The following NMRAL1 variants were observed in gnomAD, a reference collection of about 807,000 sequenced individuals.
NMRAL1 encodes nmrA-like family domain-containing protein 1.
In NMRAL1, 32 loss-of-function variants were observed where a neutral mutation model predicts 27.5. The ratio of observed to expected loss-of-function variants is 1.16; its 90% CI spans 0.88 to 1.56. NMRAL1 has a LOEUF of 1.56. NMRAL1 is among the 40% of genes most tolerant of loss of function. NMRAL1 has a pLI of 0.00. For synonymous variants in NMRAL1, 166 were observed against 166.8 expected (o/e 1.00, Z 0.04); for missense variants, 420 against 392.0 (o/e 1.07, Z -0.60).
chr16:4,463,928 C>T lies in NMRAL1; in HGVS notation c.530-78G>A. 3 of 1,236,102 alleles carry T rather than the reference C, an allele frequency of 2.4e-6. No homozygotes were observed. In the Middle Eastern group the frequency reaches 5.8e-4, roughly 239 times the overall value. The allele number at this position is 1,236,102 out of a possible 1,614,324, so 76.6% of individuals were successfully genotyped here. A position where few individuals can be genotyped will look rare whatever the true frequency, so the allele number is the denominator to read the frequency against. ...GGACAGAGCCCCTCTCCAAAGGGTC[C>T]AAGCTGGTTCTTCCCAGCAGTCAGC... On this transcript the variant is annotated intron_variant, in intron 4 of 5. Transcript: ENST00000283429.
chr16:4,464,231 G>A (rs2057227896), intron 4 of NMRAL1: 1 of 261,152 alleles, frequency 3.8e-6, no homozygotes, highest in South Asian at 8.1e-5. Context: ...CAGGGTCTCC[G>A]CTAATCTGGA....
chr16:4,464,084 T>C (rs1347467910), intron 4 of NMRAL1: 3 of 535,976 alleles, frequency 5.6e-6, no homozygotes, highest in African/African-American at 3.9e-5. Context: ...CTGTTGAGGC[T>C]CTCTGAGCCT....
At chr16:4,466,802 G>A (rs1236200647) in intron 3 of NMRAL1, 7 of 220,676 alleles carry the variant, frequency 3.2e-5, no homozygotes, top group Non-Finnish European at 6.4e-5. Context: ...CAGCTGCCTA[G>A]GTTCAAATCA....
Position 4,469,222 on chromosome 16 carries a change from C to CT in NMRAL1, c.279+4dup. The CT allele has an allele frequency of 6.2e-7, 1 of 1,608,650 alleles. No individual in the cohort carries two copies. Among genetic ancestry groups the CT allele is most frequent in the Non-Finnish European group, 8.5e-7 (1 of 1,175,504 alleles). ...GGCCTCCCTGCAGCTCCTGCCTGCCCTCACCTGCTTGACCTCCTGCTCCTG... is the reference window on the plus strand; with the variant it reads ...GGCCTCCCTGCAGCTCCTGCCTGCCCTTCACCTGCTTGACCTCCTGCTCCTG... On this transcript the variant is annotated splice_donor_region_variant and intron_variant, in intron 3 of 5. Transcript: ENST00000283429.
chr16:4,466,556 T>G, intron 3 of NMRAL1, 154 bp from the exon 4 acceptor site: 1 of 675,626 alleles, frequency 1.5e-6, no homozygotes, highest in Non-Finnish European at 2.5e-6. Flanking sequence ...CCTGGAATGA[T>G]GTTCACACAT....
intron 3 of NMRAL1, chr16:4,466,678 A>G: frequency 2.1e-6 from 1 of 470,750 alleles, no homozygotes; most frequent in South Asian, 2.2e-5. Flanking sequence ...GACGGCCTGC[A>G]TGGAGGTCTA....
rs747436162 is a variant in NMRAL1, at chr16:4,461,969, G to T, written c.721-10C>A. 10 of 1,607,280 alleles carry T rather than the reference G, an allele frequency of 6.2e-6. No homozygotes were observed. The highest frequency in any genetic ancestry group is 8.5e-6 in the Non-Finnish European group (10 of 1,176,228). ...AGTCCTCAGGAGTCATCTGGAAGCA[G>T]AGGAGCCTGTCGTGGCCGGCGTCCT... On this transcript the variant is annotated splice_polypyrimidine_tract_variant and intron_variant, in intron 5 of 5. Coordinates refer to ENST00000283429, the MANE Select transcript of NMRAL1 (RefSeq NM_020677.6).
At chr16:4,464,117 G>C (rs189435586) in intron 4 of NMRAL1, 1 of 520,628 alleles carries the variant, frequency 1.9e-6, no homozygotes, top group East Asian at 3.4e-5. Context: ...TCCTAGAATG[G>C]GGCTAAGAAC....
intron 3 of NMRAL1, among the ~76,000 whole-genome samples, chr16:4,467,769 AC>A: frequency 6.7e-6 from 1 of 148,734 alleles, no homozygotes; most frequent in East Asian, 2.1e-4. Flanking sequence ...ACAGGCGCCC[AC>A]CACCATGCCC....
chr16:4,462,522 C>G (rs1243001898), intron 5 of NMRAL1, among the ~76,000 whole-genome samples: 1 of 151,988 alleles, frequency 6.6e-6, no homozygotes, highest in Non-Finnish European at 1.5e-5. Context: ...GATCATGAGA[C>G]GAAAATATCT....
At chr16:4,471,328 G>A (rs995241569) in intron 2 of NMRAL1, 2 of 151,976 alleles carry the variant, frequency 1.3e-5, no homozygotes, top group South Asian at 2.1e-4. Flanking sequence ...AAGATTTTGC[G>A]CGTTGCAGCT....
intron 2 of NMRAL1, among the ~76,000 whole-genome samples, chr16:4,470,942 G>A (rs942791195): frequency 1.3e-4 from 14 of 106,902 alleles, no homozygotes; most frequent in South Asian, 9.3e-4. Context: ...GCAAGACTCC[G>A]TCTCAAAAAA....
chr16:4,473,212 G>A (rs1383566395), intron 2 of NMRAL1, among the ~76,000 whole-genome samples: 1 of 152,024 alleles, frequency 6.6e-6, no homozygotes, highest in Non-Finnish European at 1.5e-5. Flanking sequence ...CAAGCGATCT[G>A]CCCATTTGGT....
intron 4 of NMRAL1, among the ~76,000 whole-genome samples, chr16:4,464,612 T>G (rs1048452671): frequency 2.6e-5 from 3 of 115,550 alleles, no homozygotes; most frequent in South Asian, 5.1e-4. Context: ...TGACTGCAGG[T>G]TTTTTTTTTT....
intron 5 of NMRAL1, 108 bp downstream of exon 5, chr16:4,463,552 A>C: frequency 1.2e-6 from 1 of 843,464 alleles, no homozygotes; most frequent in Non-Finnish European, 1.8e-6. Context: ...TGAACGAATG[A>C]ATTTAGATGT....
intron 2 of NMRAL1, 118 bp downstream of exon 2, chr16:4,473,975 C>T (rs913046538): frequency 1.4e-6 from 1 of 730,438 alleles, no homozygotes; most frequent in African/African-American, 1.8e-5. Flanking sequence ...GCGACCACAG[C>T]CCCAACCTGG....
rs1473690562 is a variant in NMRAL1, at chr16:4,469,272, C to T, written c.234G>A (p.Val78=). 3.1e-6 allele frequency: 5 copies of T among 1,614,044 alleles called. No homozygotes were observed. Among genetic ancestry groups the T allele is most frequent in the African/African-American group, 2.7e-5 (2 of 74,918 alleles). ...ALNGAYATFI[V]TNYWESCSQE... is the part of the protein sequence containing the mutation. ...GGCTGCAGCTCTCCCAGTAATTGGT[C>T]ACGATGAAGGTGGCGTAAGCCCCAT... The change falls in exon 3 of 6, where the codon GTG becomes GTA. Residue 78 remains valine, a synonymous_variant. Transcript: ENST00000283429.
At chr16:4,465,911 G>T (rs960668928) in intron 4 of NMRAL1, among the ~76,000 whole-genome samples, 1 of 152,144 alleles carries the variant, frequency 6.6e-6, no homozygotes, top group African/African-American at 2.4e-5. Flanking sequence ...TGGACCAAGC[G>T]AATATCGTGT....
chr16:4,465,254 G>C (rs796472659), intron 4 of NMRAL1, among the ~76,000 whole-genome samples: 1 of 152,196 alleles, frequency 6.6e-6, no homozygotes, highest in Non-Finnish European at 1.5e-5. Context: ...AAGGGCTACT[G>C]TTACCACCAG....
Sources: gnomAD v4.1 joint callset for allele counts (sites outside exome capture counted in the v4.1 genomes callset) on GRCh38, gnomAD v4.1.1 for gene constraint, MANE v1.5 for transcripts, NCBI Gene and HGNC (gene_info 2026-07-23, HGNC 2026-07-21) for gene names.